VEZF1: variants seen among roughly 807,000 people sequenced by gnomAD.
The protein encoded by VEZF1 is vascular endothelial zinc finger 1.
A neutral mutation model predicts 44.1 loss-of-function variants in VEZF1; 5 were observed. That is an observed-to-expected ratio of 0.11 (90% CI 0.06 to 0.24). The LOEUF (loss-of-function observed/expected upper bound fraction) is 0.24. VEZF1 is among the 10% of genes least tolerant of loss of function. VEZF1 has a pLI of 1.00. For missense variants in VEZF1, 358 were observed against 641.8 expected (o/e 0.56, Z 4.78); for synonymous variants, 236 against 233.1 (o/e 1.01, Z -0.11).
chr17:57,980,018 A>C (rs1028603228), intron 4 of VEZF1, among the ~76,000 whole-genome samples: 1 of 151,980 alleles, frequency 6.6e-6, no homozygotes, highest in Non-Finnish European at 1.5e-5. Context: ...GAATGCTTAT[A>C]AAGTACAACA....
chr17:57,975,004 A>T, intron 5 of VEZF1, 104 bp from the exon 6 acceptor site: 2 of 1,300,972 alleles, frequency 1.5e-6, no homozygotes, highest in South Asian at 3.0e-5. Flanking sequence ...AACATTTAAT[A>T]AATCAAATTC....
At chr17:57,981,643 A>G (rs1164824533) in intron 3 of VEZF1, among the ~76,000 whole-genome samples, 4 of 152,236 alleles carry the variant, frequency 2.6e-5, no homozygotes, top group African/African-American at 9.6e-5. Context: ...TTGCCCAAAG[A>G]AAGGGAAATA....
intron 5 of VEZF1, among the ~76,000 whole-genome samples, chr17:57,977,194 G>A (rs2143327967): frequency 6.6e-6 from 1 of 152,180 alleles, no homozygotes; most frequent in Middle Eastern, 3.4e-3. Context: ...GTAGCTCACT[G>A]CAGCCTCAAA....
Position 57,980,535 on chromosome 17 carries a change from C to T in VEZF1, c.976+68G>A, listed in dbSNP as rs1002774460. Reference sequence around the variant, plus strand: ...AAGGTGAATATTAATACCTTTGATACAATATGAAAACATGCATATTTCACC... The same window carrying T: ...AAGGTGAATATTAATACCTTTGATATAATATGAAAACATGCATATTTCACC... On this transcript the variant is annotated intron_variant, in intron 4 of 5. Coordinates refer to ENST00000581208, the MANE Select transcript of VEZF1 (RefSeq NM_007146.3). 2.7e-6 allele frequency: 4 copies of T among 1,458,518 alleles called. No homozygotes were observed. In the African/African-American group the frequency reaches 5.6e-5, roughly 20 times the overall value. The allele number at this position is 1,458,518 out of a possible 1,614,324, so 90.3% of individuals were successfully genotyped here.
At chr17:57,981,724 T>C (rs747949403) in intron 3 of VEZF1, 149 bp downstream of exon 3, 24 of 580,594 alleles carry the variant, frequency 4.1e-5, no homozygotes, top group South Asian at 2.4e-4. Flanking sequence ...CTGTCAGTTA[T>C]ATTTTATAAA....
chr17:57,979,991 A>C (rs901601096), intron 4 of VEZF1, among the ~76,000 whole-genome samples: 120 of 149,484 alleles, frequency 8.0e-4, no homozygotes, highest in Middle Eastern at 3.5e-3. Context: ...AAAAAAAAAA[A>C]CAAAAAAAAC....
chr17:57,980,986 A>G (rs1567739345), intron 3 of VEZF1, among the ~76,000 whole-genome samples, 200 bp from the exon 4 acceptor site: 2 of 152,240 alleles, frequency 1.3e-5, no homozygotes, highest in African/African-American at 2.4e-5. Context: ...AAGGAAGAAA[A>G]TACATCAACA....
intron 5 of VEZF1, among the ~76,000 whole-genome samples, chr17:57,978,945 T>G (rs904971721): frequency 2.0e-5 from 3 of 152,230 alleles, no homozygotes; most frequent in Admixed American, 6.5e-5. Flanking sequence ...TAGGAAGTAC[T>G]GAGAACTTTT....
Position 57,983,006 on chromosome 17 carries a change from T to C in VEZF1, c.421A>G (p.Thr141Ala), listed in dbSNP as rs1355635991. Reference sequence around the variant, plus strand: ...CTGGGGTTGGTGCCCGAGGAAGATGTAGTGACTGTTGACAAGATGCCTGCA... The same window carrying C: ...CTGGGGTTGGTGCCCGAGGAAGATGCAGTGACTGTTGACAAGATGCCTGCA... ...TIAGILSTVT[T>A]SSSGTNPSSS... The change falls in exon 2 of 6, where the codon ACA becomes GCA. Residue 141 changes from threonine (T) to alanine (A), a missense_variant. Transcript: ENST00000581208. The C allele has an allele frequency of 5.0e-6, 8 of 1,614,000 alleles. No individual in the cohort carries two copies. Among genetic ancestry groups the C allele is most frequent in the African/African-American group, 4.0e-5 (3 of 74,888 alleles).
At chr17:57,982,064 C>G in intron 2 of VEZF1, 128 bp from the exon 3 acceptor site, 1 of 883,384 alleles carries the variant, frequency 1.1e-6, no homozygotes, top group Non-Finnish European at 1.8e-6. Flanking sequence ...AATTACCAAC[C>G]TCCCTCCCCC....
chr17:57,980,866 T>G, intron 3 of VEZF1, 80 bp from the exon 4 acceptor site: 3 of 1,385,796 alleles, frequency 2.2e-6, no homozygotes, highest in Non-Finnish European at 3.0e-6. Flanking sequence ...TTCTGTGCAT[T>G]ACCCTATCCA....
intron 5 of VEZF1, among the ~76,000 whole-genome samples, chr17:57,978,019 A>G (rs1208436945): frequency 6.6e-6 from 1 of 152,042 alleles, no homozygotes; most frequent in Non-Finnish European, 1.5e-5. Context: ...CCTGGCCAAC[A>G]TGGCAAAACC....
chr17:57,976,794 A>G (rs2075195915), intron 5 of VEZF1, among the ~76,000 whole-genome samples: 1 of 152,176 alleles, frequency 6.6e-6, no homozygotes, highest in Non-Finnish European at 1.5e-5. Flanking sequence ...ATTGAAATAC[A>G]ATACCAAATA....
intron 2 of VEZF1, 31 bp from the exon 3 acceptor site, chr17:57,981,967 T>C (rs2075253144): frequency 4.4e-6 from 7 of 1,607,680 alleles, no homozygotes; most frequent in Middle Eastern, 1.7e-4. Context: ...ACAGAAGATA[T>C]AATCGAACAC....
intron 4 of VEZF1, among the ~76,000 whole-genome samples, chr17:57,979,980 A>C (rs928036195): frequency 4.6e-5 from 7 of 151,486 alleles, no homozygotes; most frequent in Non-Finnish European, 8.8e-5. Flanking sequence ...CAAAAAAAAA[A>C]AAAAAAAAAA....
intron 5 of VEZF1, among the ~76,000 whole-genome samples, chr17:57,976,246 A>G (rs925288162): frequency 2.0e-5 from 3 of 152,214 alleles, no homozygotes; most frequent in Non-Finnish European, 2.9e-5. Context: ...AGAGATCTGT[A>G]TATGATCCAC....
chr17:57,988,112 G>A lies in VEZF1; in HGVS notation c.-1C>T, dbSNP rs2143394522. 8 of 845,934 alleles carry A rather than the reference G, an allele frequency of 9.5e-6. No individual in the cohort carries two copies. The highest frequency in any genetic ancestry group is 1.2e-5 in the Non-Finnish European group (8 of 661,314). 52.4% of individuals were successfully genotyped at this position (845,934 alleles called of 1,614,324 possible). A position where few individuals can be genotyped will look rare whatever the true frequency, so the allele number is the denominator to read the frequency against. Reference sequence around the variant, plus strand: ...GGAACGCGGTCCAGTTGGCCTCCATGGCTGCGGCGGCCGACCCCCCTCCTC... The same window carrying A: ...GGAACGCGGTCCAGTTGGCCTCCATAGCTGCGGCGGCCGACCCCCCTCCTC... On this transcript the variant is annotated 5_prime_UTR_variant, in exon 1 of 6. Transcript: ENST00000581208.
chr17:57,980,678 T>C lies in VEZF1; in HGVS notation c.901A>G (p.Ile301Val). The C allele has an allele frequency of 6.2e-7, 1 of 1,614,096 alleles. No individual in the cohort carries two copies. The highest frequency in any genetic ancestry group is 8.5e-7 in the Non-Finnish European group (1 of 1,180,046). Residue 301 changes from isoleucine (I) to valine (V), a missense_variant, in exon 4 of 6, where the codon ATC (isoleucine) becomes GTC (valine). Ile to Val is a conservative substitution (Grantham distance 29). This residue lies in a region of VEZF1 where 171 missense variants were observed against 272.4 expected (regional missense o/e 0.63). Coordinates refer to ENST00000581208, the MANE Select transcript of VEZF1 (RefSeq NM_007146.3). Reference sequence around the variant, plus strand: ...CCATGAGTCTTTAAGTGGCTGGTGATGTATGCTGCACTCAGGAGCTTCCCA... The same window carrying C: ...CCATGAGTCTTTAAGTGGCTGGTGACGTATGCTGCACTCAGGAGCTTCCCA... Reference protein sequence around the residue: ...ICGKLLSAAYITSHLKTHGQS... With the variant: ...ICGKLLSAAYVTSHLKTHGQS...
At position 57,977,369 on chromosome 17, in the gene VEZF1, C is replaced by T. The variant is rs564599620; in HGVS notation, c.1138+1783G>A. On this transcript the variant is annotated intron_variant, in intron 5 of 5. Transcript: ENST00000581208. ...CTCAAACTCCTGGCCTCAAGTGATC[C>T]TCCCACCTTGGCCTCCTGAAGTGCT... is the stretch of plus-strand genomic sequence containing the variant. Among the ~76,000 whole-genome samples, 4 of 152,260 alleles carry T rather than the reference C, an allele frequency of 2.6e-5. No individual in the cohort carries two copies. In the South Asian group the frequency reaches 8.3e-4, roughly 32 times the overall value.
Sources: allele counts gnomAD v4.1 joint callset (sites outside exome capture counted in the v4.1 genomes callset), GRCh38; gene constraint gnomAD v4.1.1; regional missense constraint gnomAD v4.1.1; transcripts MANE v1.5; gene names NCBI Gene and HGNC (gene_info 2026-07-23, HGNC 2026-07-21).